The following SCN1A variants were observed in gnomAD, a reference collection of about 807,000 sequenced individuals.
SCN1A encodes sodium voltage-gated channel alpha subunit 1.
A neutral mutation model predicts 193.7 loss-of-function variants in SCN1A; 13 were observed. The observed-to-expected ratio is 0.07, with a 90% confidence interval of 0.04 to 0.11. The LOEUF (loss-of-function observed/expected upper bound fraction) is 0.11, where lower values mean the gene tolerates loss of function less well. SCN1A is among the 10% of genes least tolerant of loss of function. The probability of loss-of-function intolerance (pLI) is 1.00; values close to 1 mark genes in which losing one functional copy is unlikely to be tolerated. For synonymous variants in SCN1A, 781 were observed against 843.6 expected, an observed-to-expected ratio of 0.93 and a Z score of 1.29; for missense variants, 1,432 against 2,451.1, an observed-to-expected ratio of 0.58 and a Z score of 8.78.
At chr2:166,091,589 C>T (rs752117166) in intron 2 of SCN1A, among the ~76,000 whole-genome samples, 3 of 152,120 alleles carry the variant, frequency 2.0e-5, no homozygotes, top group South Asian at 2.1e-4. Context: ...GGCTGACTGC[C>T]TGCTATATTT....
At position 166,029,312 on chromosome 2, in the gene SCN1A, C is replaced by T. The variant is rs544792299; in HGVS notation, c.3429+6736G>A. 6.6e-5 allele frequency among the ~76,000 whole-genome samples: 10 copies of T among 152,152 alleles called. No homozygotes were observed. The South Asian group carries it at 1.5e-3, about 22-fold the overall frequency. ...AAGACTACACTAGCGAGAGGAGACC[C>T]GTTTGGAGGCTGTAGCAGTAAAACT... On this transcript the variant is annotated intron_variant, in intron 19 of 28. Coordinates refer to ENST00000674923, the MANE Select transcript of SCN1A (RefSeq NM_001165963.4).
chr2:166,082,405 A>G (rs1685624991), intron 2 of SCN1A, among the ~76,000 whole-genome samples: 1 of 152,094 alleles, frequency 6.6e-6, no homozygotes, highest in South Asian at 2.1e-4. Context: ...AATAAAATAT[A>G]TGAAAATATA....
intron 1 of SCN1A, among the ~76,000 whole-genome samples, chr2:166,134,133 C>G (rs79570811): frequency 0.044 from 6,728 of 152,090 alleles, 364 homozygotes; most frequent in African/African-American, 0.12. Context: ...ATTGCTTTAT[C>G]GATAGGGTTT....
intron 19 of SCN1A, among the ~76,000 whole-genome samples, chr2:166,025,963 G>T (rs1268488388): frequency 6.6e-6 from 1 of 151,836 alleles, no homozygotes; most frequent in Non-Finnish European, 1.5e-5. Context: ...TTGTTTAGGA[G>T]GCAATTTCTT....
intron 27 of SCN1A, among the ~76,000 whole-genome samples, chr2:165,994,642 T>A (rs1273391378): frequency 7.4e-6 from 1 of 134,848 alleles, no homozygotes. Flanking sequence ...CAAAGAAGGT[T>A]TCTGATAAAA....
At chr2:166,139,378 C>T (rs1160849217) in intron 1 of SCN1A, among the ~76,000 whole-genome samples, 1 of 152,118 alleles carries the variant, frequency 6.6e-6, no homozygotes, top group Non-Finnish European at 1.5e-5. Context: ...GTAATTGAAT[C>T]ATGTGGGTGG....
At chr2:166,129,303 C>T (rs1469211167), upstream of SCN1A, among the ~76,000 whole-genome samples, 4 of 152,102 alleles carry the variant, frequency 2.6e-5, no homozygotes, top group Non-Finnish European at 5.9e-5. Context: ...CCTAAAAGTT[C>T]ACCATTTTTT....
At chr2:166,087,242 G>A (rs1355582022) in intron 2 of SCN1A, among the ~76,000 whole-genome samples, 1 of 151,594 alleles carries the variant, frequency 6.6e-6, no homozygotes, top group Non-Finnish European at 1.5e-5. Flanking sequence ...TGAGGTGGGT[G>A]GATCACCTGA....
chr2:166,032,685 T>G (rs921930683), intron 19 of SCN1A, among the ~76,000 whole-genome samples: 6 of 152,126 alleles, frequency 3.9e-5, no homozygotes, highest in Non-Finnish European at 5.9e-5. Context: ...AATGTATCAT[T>G]AGGGGATAAA....
At chr2:166,084,222 T>TC (rs1177607725) in intron 2 of SCN1A, among the ~76,000 whole-genome samples, 14 of 148,950 alleles carry the variant, frequency 9.4e-5, no homozygotes, top group African/African-American at 2.5e-5. Flanking sequence ...AATTTTCTTT[T>TC]TTTTTTTTTT....
At chr2:166,065,437 AT>A (rs1305033590) in intron 4 of SCN1A, among the ~76,000 whole-genome samples, 3 of 151,610 alleles carry the variant, frequency 2.0e-5, no homozygotes, top group Non-Finnish European at 2.9e-5. Context: ...GGTATATAAT[AT>A]TTTTTCCCCA....
At chr2:166,108,186 C>A (rs1688898338) in intron 2 of SCN1A, among the ~76,000 whole-genome samples, 1 of 151,880 alleles carries the variant, frequency 6.6e-6, no homozygotes, top group Non-Finnish European at 1.5e-5. Context: ...AATGACTAAT[C>A]AACGAGCACA....
chr2:166,095,831 CA>C (rs1280102687), intron 2 of SCN1A, among the ~76,000 whole-genome samples: 3 of 152,066 alleles, frequency 2.0e-5, no homozygotes, highest in African/African-American at 7.2e-5. Flanking sequence ...TGTCAATACC[CA>C]GCATGAAAAA....
At chr2:166,011,754 T>G (rs942673209) in intron 22 of SCN1A, among the ~76,000 whole-genome samples, 3 of 151,126 alleles carry the variant, frequency 2.0e-5, no homozygotes, top group African/African-American at 7.3e-5. Flanking sequence ...CAACAAGTGA[T>G]GGTCCTGGGA....
chr2:166,052,089 AG>A (rs1698639622), intron 8 of SCN1A, 101 bp from the exon 9 acceptor site: 1 of 1,163,642 alleles, frequency 8.6e-7, no homozygotes. Context: ...CATAAATCCA[AG>A]AATGTTTGCA....
chr2:166,112,298 T>G lies in SCN1A; in HGVS notation c.-142+14626A>C, dbSNP rs543923363. On this transcript the variant is annotated intron_variant, in intron 2 of 28. Coordinates refer to ENST00000674923, the MANE Select transcript of SCN1A (RefSeq NM_001165963.4). ...ATCCATCAACATCAAAGCGAGACTC[T>G]CCACCAGCAAAAAGATTATATGACT... is the stretch of plus-strand genomic sequence containing the variant. Among the ~76,000 whole-genome samples the G allele has an allele frequency of 5.0e-4, 76 of 152,244 alleles. No homozygotes were observed. In the Middle Eastern group the frequency reaches 0.017, roughly 34 times the overall value.
chr2:166,010,116 T>C (rs1692232262), intron 22 of SCN1A, among the ~76,000 whole-genome samples: 1 of 150,702 alleles, frequency 6.6e-6, no homozygotes, highest in Non-Finnish European at 1.5e-5. Context: ...AAAGTAAAAA[T>C]TAGTAAAATA....
At chr2:166,120,404 T>C (rs573246215) in intron 2 of SCN1A, among the ~76,000 whole-genome samples, 183 of 151,096 alleles carry the variant, frequency 1.2e-3, no homozygotes, top group African/African-American at 4.3e-3. Context: ...CCATCCTAGA[T>C]ATATATGTTT....
Position 166,043,833 on chromosome 2 carries a change from T to C in SCN1A, c.1879A>G (p.Arg627Gly), listed in dbSNP as rs1335523482. Reference protein sequence around the residue: ...RRNSNLSQTSRSSRMLAVFPA... With the variant: ...RRNSNLSQTSGSSRMLAVFPA... ...AACACTGCCAGCATCCGGGATGACC[T>C]ACTGGTCTGACTCAGGTTGCTGTTG... Residue 627 changes from arginine (R) to glycine (G), a missense_variant, in exon 14 of 29, where the codon AGG becomes GGG. Coordinates refer to ENST00000674923, the MANE Select transcript of SCN1A (RefSeq NM_001165963.4). 2 of 1,614,046 alleles carry C rather than the reference T, an allele frequency of 1.2e-6. No individual in the cohort carries two copies. Among genetic ancestry groups the C allele is most frequent in the Non-Finnish European group, 1.7e-6 (2 of 1,180,030 alleles).
Sources: allele counts gnomAD v4.1 joint callset (sites outside exome capture counted in the v4.1 genomes callset), GRCh38; gene constraint gnomAD v4.1.1; transcripts MANE v1.5; gene names NCBI Gene and HGNC (gene_info 2026-07-23, HGNC 2026-07-21).